PTGER4: variants seen among roughly 807,000 people sequenced by gnomAD.
The protein encoded by PTGER4 is prostaglandin E2 receptor EP4 subtype.
In PTGER4, 11 loss-of-function variants were observed where a neutral mutation model predicts 33.2. That is an observed-to-expected ratio of 0.33 (90% confidence interval 0.21 to 0.55). PTGER4 has a LOEUF of 0.55. PTGER4 is among the 20% of genes least tolerant of loss of function. PTGER4 has a pLI of 0.92. For synonymous variants in PTGER4, 275 were observed against 281.5 expected (o/e 0.98, Z 0.23); for missense variants, 481 against 650.2 (o/e 0.74, Z 2.83).
the PTGER4 span, chr5:40,716,421 T>A: frequency 6.2e-7 from 1 of 1,613,904 alleles, no homozygotes. Flanking sequence ...GGAGCGTTCT[T>A]GCCCAAGAGA....
chr5:40,709,768 A>G, the PTGER4 span, among the ~76,000 whole-genome samples: 1 of 152,228 alleles, frequency 6.6e-6, no homozygotes, highest in Non-Finnish European at 1.5e-5. Context: ...GCATCATGCT[A>G]CCTGACTTCA....
chr5:40,728,041 G>C, the PTGER4 span, among the ~76,000 whole-genome samples: 1 of 151,914 alleles, frequency 6.6e-6, no homozygotes, highest in Non-Finnish European at 1.5e-5. Flanking sequence ...CAGCACTTTG[G>C]GAGGCCGAGG....
At position 40,681,788 on chromosome 5, in the gene PTGER4, C is replaced by T; in HGVS notation, c.795C>T (p.Gly265=). 1 of 1,594,440 alleles carries T rather than the reference C, an allele frequency of 6.3e-7. No homozygotes were observed. Among genetic ancestry groups the T allele is most frequent in the Non-Finnish European group, 8.5e-7 (1 of 1,173,502 alleles). ...GCCGGAGCTTCCGCCGCATCGCGGG[C>T]GCCGAGATCCAGATGGTCATCTTAC... ...RRRRSFRRIA[G]AEIQMVILLI... is the part of the protein sequence containing the mutation. Residue 265 remains glycine (G), a synonymous_variant, in exon 2 of 3, where the codon GGC becomes GGT. Coordinates refer to ENST00000302472, the MANE Select transcript of PTGER4 (RefSeq NM_000958.3). The surrounding 1 kb of genome is among the most constrained non-coding windows in gnomAD (Gnocchi z 9.8).
At chr5:40,735,499 C>T in the PTGER4 span, among the ~76,000 whole-genome samples, 2 of 152,100 alleles carry the variant, frequency 1.3e-5, no homozygotes, top group East Asian at 3.9e-4. Context: ...AAAACAGAGC[C>T]TGAGGCCAAA....
Position 40,680,941 on chromosome 5 carries a change from C to A in PTGER4, c.-43-10C>A, listed in dbSNP as rs1355082213. 1 of 1,551,080 alleles carries A rather than the reference C, an allele frequency of 6.4e-7. No homozygotes were observed. The highest frequency in any genetic ancestry group is 1.4e-5 in the African/African-American group (1 of 73,198). On this transcript the variant is annotated splice_polypyrimidine_tract_variant and intron_variant, in intron 1 of 2. Transcript: ENST00000302472. This position sits in a 1 kb window ranked among gnomAD's most constrained non-coding sequence, Gnocchi z 5.5. Reference sequence around the variant, plus strand: ...TCACGGCAGCTTTGTCTCTCTTCTACCATCCCCAGACCCAGCCTTGCACTC... The same window carrying A: ...TCACGGCAGCTTTGTCTCTCTTCTAACATCCCCAGACCCAGCCTTGCACTC...
At chr5:40,698,092 C>CAAAAAAAAAAAAAAAA (rs1156254550), downstream of PTGER4, among the ~76,000 whole-genome samples, 6 of 40,050 alleles carry the variant, frequency 1.5e-4, no homozygotes, top group African/African-American at 3.2e-4. Context: ...CCTGTCTCTA[C>CAAAAAAAAAAAAAAAA]AAAAAAAAAA....
the PTGER4 span, among the ~76,000 whole-genome samples, chr5:40,722,274 C>T: frequency 6.6e-6 from 1 of 152,196 alleles, no homozygotes; most frequent in Admixed American, 6.5e-5. Flanking sequence ...ACCTCCCAGC[C>T]GCCTGCCTTG....
rs1579651949 is a variant in PTGER4, at chr5:40,693,257, A to G, written c.*879A>G. On this transcript the variant is annotated 3_prime_UTR_variant, in exon 3 of 3. Coordinates refer to ENST00000302472, the MANE Select transcript of PTGER4 (RefSeq NM_000958.3). ...CTCACTAATTGGTACTTTTAAAAAC[A>G]TAACATAAATTTTTTGAAGTCTTTA... 1 of 981,600 alleles carries G rather than the reference A, an allele frequency of 1.0e-6. No homozygotes were observed. Among genetic ancestry groups the G allele is most frequent in the African/African-American group, 1.7e-5 (1 of 57,268 alleles). 60.8% of individuals were successfully genotyped at this position (981,600 alleles called of 1,614,324 possible).
At chr5:40,702,132 T>C in the PTGER4 span, among the ~76,000 whole-genome samples, 1 of 152,146 alleles carries the variant, frequency 6.6e-6, no homozygotes, top group South Asian at 2.1e-4. Context: ...GCCAATATAA[T>C]AACCAGCTCA....
chr5:40,708,280 G>T, the PTGER4 span, among the ~76,000 whole-genome samples: 1 of 151,954 alleles, frequency 6.6e-6, no homozygotes, highest in East Asian at 1.9e-4. Flanking sequence ...TGGATAGACC[G>T]CTAGCAAGAC....
the PTGER4 span, among the ~76,000 whole-genome samples, chr5:40,707,279 G>T: frequency 6.6e-6 from 1 of 152,134 alleles, no homozygotes; most frequent in African/African-American, 2.4e-5. Flanking sequence ...CCGTATTCAG[G>T]AAACCCATTT....
At chr5:40,731,157 C>CAA in the PTGER4 span, among the ~76,000 whole-genome samples, 1 of 152,154 alleles carries the variant, frequency 6.6e-6, no homozygotes, top group East Asian at 1.9e-4. Flanking sequence ...TCCTTCCACT[C>CAA]ACAATTTTCT....
At chr5:40,725,966 T>C in the PTGER4 span, among the ~76,000 whole-genome samples, 108 of 151,902 alleles carry the variant, frequency 7.1e-4, no homozygotes, top group South Asian at 0.011. Flanking sequence ...TTTGTATTTT[T>C]AGTAGAGACG....
rs1420899920 is a variant in PTGER4 at position 40,683,966 on chromosome 5, A to T, written c.867+2106A>T. 6.6e-6 allele frequency among the ~76,000 whole-genome samples: 1 copy of T among 152,250 alleles called. No homozygotes were observed. Among genetic ancestry groups the T allele is most frequent in the African/African-American group, 2.4e-5 (1 of 41,474 alleles). ...ACTAGCTCAATTAAGAAGTAATCCCATTAGTCAAGTATTTATATAGCTTTG... is the reference window on the plus strand; with the variant it reads ...ACTAGCTCAATTAAGAAGTAATCCCTTTAGTCAAGTATTTATATAGCTTTG... On this transcript the variant is annotated intron_variant, in intron 2 of 2. Coordinates refer to ENST00000302472, the MANE Select transcript of PTGER4 (RefSeq NM_000958.3). The surrounding 1 kb of genome is among the most constrained non-coding windows in gnomAD (Gnocchi z 4.2).
At chr5:40,702,078 C>T in the PTGER4 span, among the ~76,000 whole-genome samples, 1 of 151,972 alleles carries the variant, frequency 6.6e-6, no homozygotes, top group African/African-American at 2.4e-5. Flanking sequence ...TACAAAAACA[C>T]AAACACAGAG....
the PTGER4 span, among the ~76,000 whole-genome samples, chr5:40,719,029 G>A: frequency 3.3e-5 from 5 of 152,094 alleles, no homozygotes; most frequent in Non-Finnish European, 7.4e-5. Context: ...ATGGCATAAA[G>A]CTAATGCCTT....
chr5:40,686,133 T>C (rs1741318596), intron 2 of PTGER4, among the ~76,000 whole-genome samples: 1 of 152,144 alleles, frequency 6.6e-6, no homozygotes, highest in African/African-American at 2.4e-5. Context: ...GCTGTGTCAA[T>C]TTTGGACTCT....
chr5:40,711,555 C>T, the PTGER4 span, among the ~76,000 whole-genome samples: 3 of 152,028 alleles, frequency 2.0e-5, no homozygotes, highest in Non-Finnish European at 2.9e-5. Context: ...GAGAAATGAA[C>T]ACATATGTCC....
chr5:40,705,473 A>G, the PTGER4 span, among the ~76,000 whole-genome samples: 5 of 152,208 alleles, frequency 3.3e-5, no homozygotes, highest in Admixed American at 6.5e-5. Flanking sequence ...AAATTGACAA[A>G]TGGGATCTAA....
Sources: allele counts gnomAD v4.1 joint callset (sites outside exome capture counted in the v4.1 genomes callset), GRCh38; gene constraint gnomAD v4.1.1; non-coding constraint Gnocchi (gnomAD v3.1); transcripts MANE v1.5; gene names NCBI Gene and HGNC (gene_info 2026-07-23, HGNC 2026-07-21).